CCDC69: variants seen among roughly 807,000 people sequenced by gnomAD.
CCDC69 encodes the protein coiled-coil domain containing 69.
Under a neutral mutation model 40.3 loss-of-function variants are expected in CCDC69, and 38 were observed. The observed-to-expected ratio is 0.94, with a 90% CI of 0.73 to 1.24. The LOEUF (loss-of-function observed/expected upper bound fraction) is 1.24. Among genes scored for constraint, CCDC69 ranks in the 50% most tolerant of loss-of-function variants. The pLI is 0.00. For missense variants in CCDC69, 389 were observed against 357.9 expected (o/e 1.09, Z -0.70); for synonymous variants, 141 against 138.9 (o/e 1.02, Z -0.11).
In CCDC69 at chr5:151,183,137, G is replaced by A. The variant is rs201824813; in HGVS notation, c.*300C>T. 1,569 of 468,872 alleles carry A rather than the reference G, an allele frequency of 3.3e-3. 14 individuals carry two copies. The African/African-American group carries it at 0.036, about 11-fold the overall frequency. 29.0% of individuals were successfully genotyped at this position (468,872 alleles called of 1,614,324 possible). A position where few individuals can be genotyped will look rare whatever the true frequency, so the allele number is the denominator to read the frequency against. ...GGCCAGCGTGACACAGACTGCCCCT[G>A]GGAAAGCCTCGGAACTTCTCGGATT... On this transcript the variant is annotated 3_prime_UTR_variant, in exon 9 of 9. Transcript: ENST00000355417.
intron 4 of CCDC69, among the ~76,000 whole-genome samples, chr5:151,191,600 TCC>T (rs1190051017): frequency 9.9e-5 from 15 of 152,268 alleles, no homozygotes; most frequent in African/African-American, 3.4e-4. Context: ...GAAATGCACT[TCC>T]ACATATTCAA....
At chr5:151,185,735 G>T (rs963530645) in intron 6 of CCDC69, among the ~76,000 whole-genome samples, 194 bp from the exon 7 acceptor site, 5 of 152,258 alleles carry the variant, frequency 3.3e-5, no homozygotes, top group Admixed American at 6.5e-5. Context: ...CAGATGAGGA[G>T]ACTGTGGTTC....
chr5:151,218,595 C>T (rs1388290931), intron 1 of CCDC69, among the ~76,000 whole-genome samples: 1 of 152,238 alleles, frequency 6.6e-6, no homozygotes, highest in Non-Finnish European at 1.5e-5. Context: ...GACTTCTGTT[C>T]ACTGGCTGAT....
At chr5:151,203,583 T>C (rs1194755044) in intron 2 of CCDC69, among the ~76,000 whole-genome samples, 3 of 142,188 alleles carry the variant, frequency 2.1e-5, no homozygotes, top group Non-Finnish European at 3.0e-5. Context: ...ATATAGTAAA[T>C]ATATATATTT....
At chr5:151,208,168 T>G in intron 1 of CCDC69, among the ~76,000 whole-genome samples, 1 of 152,104 alleles carries the variant, frequency 6.6e-6, no homozygotes, top group East Asian at 1.9e-4. Context: ...TGAGAATTGC[T>G]TGAACCCAGG....
intron 1 of CCDC69, among the ~76,000 whole-genome samples, chr5:151,218,638 T>C (rs894891768): frequency 2.6e-5 from 4 of 152,238 alleles, no homozygotes; most frequent in Non-Finnish European, 4.4e-5. Context: ...GGGCAGCCCC[T>C]CCTAACCAGA....
chr5:151,185,485 G>T lies in CCDC69; in HGVS notation c.552C>A (p.Val184=), dbSNP rs148153570. 164 of 1,613,938 alleles carry T rather than the reference G, an allele frequency of 1.0e-4. 1 individual carries two copies. Among genetic ancestry groups the T allele is most frequent in the Non-Finnish European group, 1.2e-4 (144 of 1,179,946 alleles). Reference sequence around the variant, plus strand: ...GAATACGCTCATTCTTCATCTCGATGACAAAGTGTAAGCTCTCCAGCTCCT... The same window carrying T: ...GAATACGCTCATTCTTCATCTCGATTACAAAGTGTAAGCTCTCCAGCTCCT... ...WEQELESLHF[V]IEMKNERIHE... Residue 184 remains valine, a synonymous_variant, in exon 7 of 9, where the codon GTC becomes GTA. Coordinates refer to ENST00000355417, the MANE Select transcript of CCDC69 (RefSeq NM_015621.3).
chr5:151,185,075 G>A, intron 7 of CCDC69: 1 of 175,922 alleles, frequency 5.7e-6, no homozygotes, highest in Non-Finnish European at 1.2e-5. Context: ...AAGGCACACA[G>A]GAGGCCAGGG....
intron 1 of CCDC69, among the ~76,000 whole-genome samples, chr5:151,219,337 C>T (rs1039420277): frequency 2.0e-5 from 3 of 152,080 alleles, no homozygotes; most frequent in African/African-American, 4.8e-5. Flanking sequence ...CCCTTCTAAA[C>T]CCAGCCAAGA....
intron 4 of CCDC69, among the ~76,000 whole-genome samples, chr5:151,194,892 A>C (rs1371941051): frequency 9.0e-5 from 1 of 11,144 alleles, no homozygotes; most frequent in Non-Finnish European, 2.8e-4. Flanking sequence ...CCTCCATCTC[A>C]AAAAAAAAAA....
chr5:151,214,926 C>T (rs182719406), intron 1 of CCDC69, among the ~76,000 whole-genome samples: 1 of 152,344 alleles, frequency 6.6e-6, no homozygotes, highest in African/African-American at 2.4e-5. Context: ...TAGAGAAAGC[C>T]TTTCTAATAC....
intron 1 of CCDC69, among the ~76,000 whole-genome samples, chr5:151,214,628 A>G (rs553854340): frequency 6.6e-6 from 1 of 152,226 alleles, no homozygotes; most frequent in South Asian, 2.1e-4. Flanking sequence ...GGACAGTCCA[A>G]TGTGATTGTA....
intron 4 of CCDC69, among the ~76,000 whole-genome samples, chr5:151,196,123 G>C (rs888468703): frequency 8.5e-5 from 13 of 152,112 alleles, no homozygotes; most frequent in Admixed American, 7.2e-4. Context: ...ACACTTTTAC[G>C]TACAAAATAA....
intron 1 of CCDC69, among the ~76,000 whole-genome samples, chr5:151,208,463 C>T (rs1232229049): frequency 6.6e-6 from 1 of 152,244 alleles, no homozygotes; most frequent in Non-Finnish European, 1.5e-5. Flanking sequence ...CATGTGTAAG[C>T]CCCTGGAGGA....
chr5:151,223,455 G>C (rs967614280), intron 1 of CCDC69, among the ~76,000 whole-genome samples: 3 of 152,266 alleles, frequency 2.0e-5, no homozygotes, highest in Non-Finnish European at 4.4e-5. Context: ...GCCTGAGCCT[G>C]AGATTCTGCA....
chr5:151,193,874 T>C (rs1752658885), intron 4 of CCDC69, among the ~76,000 whole-genome samples: 1 of 152,060 alleles, frequency 6.6e-6, no homozygotes, highest in Admixed American at 6.5e-5. Flanking sequence ...TATAAAGATA[T>C]CTCAAAACTC....
chr5:151,183,498 G>A lies in CCDC69; in HGVS notation c.830C>T (p.Ala277Val). 1.2e-6 allele frequency: 2 copies of A among 1,607,684 alleles called. No homozygotes were observed. The highest frequency in any genetic ancestry group is 2.2e-5 in the East Asian group (1 of 44,692). The change falls in exon 9 of 9, where the codon GCC becomes GTC. Residue 277 changes from alanine (A) to valine (V), a missense_variant. Transcript: ENST00000355417. ...AGGGGCCAGAGGGAAGGCAGGCGAG[G>A]CATTGGCCCCAAGGACCCGGTACAA... Reference protein sequence around the residue: ...ELLYRVLGANASPAFPLAPVT... With the variant: ...ELLYRVLGANVSPAFPLAPVT...
At chr5:151,197,912 A>G (rs928823780) in intron 4 of CCDC69, among the ~76,000 whole-genome samples, 1 of 152,242 alleles carries the variant, frequency 6.6e-6, no homozygotes, top group Non-Finnish European at 1.5e-5. Flanking sequence ...GGTATAGAAG[A>G]GTTTAATGAC....
intron 4 of CCDC69, among the ~76,000 whole-genome samples, chr5:151,194,748 C>T (rs1752670160): frequency 6.6e-6 from 1 of 152,028 alleles, no homozygotes; most frequent in Non-Finnish European, 1.5e-5. Context: ...CAAAAATTAG[C>T]TGGGCATAGT....
Sources: allele counts gnomAD v4.1 joint callset (sites outside exome capture counted in the v4.1 genomes callset), GRCh38; gene constraint gnomAD v4.1.1; transcripts MANE v1.5; gene names NCBI Gene and HGNC (gene_info 2026-07-23, HGNC 2026-07-21).